The following RIOX2 variants were observed in gnomAD, a reference collection of about 807,000 sequenced individuals.
RIOX2 encodes 60S ribosomal protein L27a histidine hydroxylase.
RIOX2 carries 43 observed loss-of-function variants against 51.2 expected under a neutral mutation model. The observed-to-expected ratio is 0.84, with a 90% CI of 0.66 to 1.08. RIOX2 has a LOEUF of 1.08. Among genes scored for constraint, RIOX2 ranks in the 50% least tolerant of loss-of-function variants. The pLI is 0.00. For missense variants in RIOX2, 566 were observed against 561.7 expected, an observed-to-expected ratio of 1.01 and a Z score of -0.08; for synonymous variants, 226 against 218.5, an observed-to-expected ratio of 1.03 and a Z score of -0.30.
chr3:97,962,957 A>T (rs942875141), intron 2 of RIOX2, among the ~76,000 whole-genome samples: 2 of 152,204 alleles, frequency 1.3e-5, no homozygotes, highest in African/African-American at 4.8e-5. Context: ...AAACATATGA[A>T]TGTACAGTGC....
Position 97,959,753 on chromosome 3 carries a change from T to A in RIOX2, c.553-574A>T, listed in dbSNP as rs532061114. On this transcript the variant is annotated intron_variant, in intron 3 of 9. Transcript: ENST00000394198. ...AAGAATTAAGAATGTCATAAATGCA[T>A]CAAATATAAAAACATATGTAGATAC... Among the ~76,000 whole-genome samples the A allele has an allele frequency of 5.5e-4, 84 of 152,174 alleles. 1 individual carries two copies. The highest frequency in any genetic ancestry group is 2.2e-4 in the Non-Finnish European group (15 of 68,016).
chr3:97,952,138 C>T, intron 5 of RIOX2: 11 of 1,269,644 alleles, frequency 8.7e-6, no homozygotes, highest in Non-Finnish European at 1.1e-5. Context: ...TAGGAAGAGG[C>T]CCCAAATATT....
rs1270066589 is a variant in RIOX2 at position 97,943,719 on chromosome 3, T to TAAAG, written c.*1461_*1464dup. The TAAAG allele has an allele frequency of 6.2e-6, 1 of 160,264 alleles. No homozygotes were observed. Among genetic ancestry groups the TAAAG allele is most frequent in the Admixed American group, 6.5e-5 (1 of 15,274 alleles). The allele number at this position is 160,264 out of a possible 1,614,324, so 9.9% of individuals were successfully genotyped here. A position where few individuals can be genotyped will look rare whatever the true frequency, so the allele number is the denominator to read the frequency against. Reference sequence around the variant, plus strand: ...TAGATGCTTGTATGAGTACAAAGCATAAAGAAACAGATTTCTATAGGTCAA... The same window carrying TAAAG: ...TAGATGCTTGTATGAGTACAAAGCATAAAGAAAGAAACAGATTTCTATAGGTCAA... On this transcript the variant is annotated 3_prime_UTR_variant, in exon 10 of 10. Coordinates refer to ENST00000394198, the MANE Select transcript of RIOX2 (RefSeq NM_153182.4).
chr3:97,946,604 A>ATATATCTATATATC (rs1553712244), intron 8 of RIOX2, among the ~76,000 whole-genome samples: 1 of 139,718 alleles, frequency 7.2e-6, no homozygotes, highest in African/African-American at 2.7e-5. Context: ...ATATATATAT[A>ATATATCTATATATC]TATCTATTCA....
intron 4 of RIOX2, among the ~76,000 whole-genome samples, chr3:97,958,568 G>T (rs971181056): frequency 2.0e-5 from 3 of 152,216 alleles, no homozygotes; most frequent in East Asian, 1.9e-4. Flanking sequence ...GGGGCACAGA[G>T]ATAGCCTGAC....
chr3:97,950,009 C>T lies in RIOX2; in HGVS notation c.895G>A (p.Glu299Lys). 1 of 1,613,358 alleles carries T rather than the reference C, an allele frequency of 6.2e-7. No homozygotes were observed. Among genetic ancestry groups the T allele is most frequent in the Non-Finnish European group, 8.5e-7 (1 of 1,179,822 alleles). The change falls in exon 7 of 10, where the codon GAA (glutamate) becomes AAA (lysine). Residue 299 changes from glutamate to lysine, a missense_variant. Glu to Lys is a moderately conservative substitution (Grantham distance 56, BLOSUM62 1). Coordinates refer to ENST00000394198, the MANE Select transcript of RIOX2 (RefSeq NM_153182.4). ...GIPRQLLLQV[E>K]STTVATRRLS... Reference sequence around the variant, plus strand: ...CGTCTTGTAGCAACAGTTGTGGATTCCACCTGCTAGGAACACAGAAGTGAG... The same window carrying T: ...CGTCTTGTAGCAACAGTTGTGGATTTCACCTGCTAGGAACACAGAAGTGAG...
intron 4 of RIOX2, among the ~76,000 whole-genome samples, chr3:97,957,412 C>T (rs1156236923): frequency 6.6e-6 from 1 of 150,464 alleles, no homozygotes; most frequent in Non-Finnish European, 1.5e-5. Flanking sequence ...AGGAGAATTG[C>T]TTGAACCCGG....
At chr3:97,958,038 TA>T (rs1021097889) in intron 4 of RIOX2, among the ~76,000 whole-genome samples, 4 of 151,912 alleles carry the variant, frequency 2.6e-5, no homozygotes, top group African/African-American at 9.7e-5. Context: ...ACTAAAAGCA[TA>T]AAAAAAACCA....
chr3:97,965,170 T>C (rs1328984727), intron 2 of RIOX2, among the ~76,000 whole-genome samples: 2 of 143,668 alleles, frequency 1.4e-5, no homozygotes, highest in African/African-American at 5.2e-5. Flanking sequence ...TGAGCTCCTA[T>C]GGCTTATAGG....
chr3:97,971,338 C>G (rs978324812), intron 1 of RIOX2, among the ~76,000 whole-genome samples: 2 of 152,180 alleles, frequency 1.3e-5, no homozygotes. Flanking sequence ...TCTGCATTAA[C>G]GTAATACGCT....
chr3:97,961,340 T>A (rs995608913), intron 3 of RIOX2, among the ~76,000 whole-genome samples: 1 of 152,248 alleles, frequency 6.6e-6, no homozygotes, highest in African/African-American at 2.4e-5. Flanking sequence ...TTCAGACGAA[T>A]GTGTGGCTCT....
rs546616132 is a variant in RIOX2 at position 97,956,583 on chromosome 3, T to A, written c.682-2088A>T. ...GTGATCTCGGTCACTGCAACCTCCA[T>A]CTCCTGGGTTCAAGTGATTCTCCTG... On this transcript the variant is annotated intron_variant, in intron 4 of 9. Coordinates refer to ENST00000394198, the MANE Select transcript of RIOX2 (RefSeq NM_153182.4). Among the ~76,000 whole-genome samples, 5 of 151,834 alleles carry A rather than the reference T, an allele frequency of 3.3e-5. No homozygotes were observed. The South Asian group carries it at 1.0e-3, about 32-fold the overall frequency.
chr3:97,967,913 T>C (rs1160774340), intron 1 of RIOX2, among the ~76,000 whole-genome samples: 1 of 152,168 alleles, frequency 6.6e-6, no homozygotes, highest in Non-Finnish European at 1.5e-5. Context: ...TATTAGGCAG[T>C]ATAATTATCC....
chr3:97,971,172 T>C (rs1383019101), intron 1 of RIOX2, among the ~76,000 whole-genome samples: 1 of 152,182 alleles, frequency 6.6e-6, no homozygotes, highest in Non-Finnish European at 1.5e-5. Flanking sequence ...ACATCAGTAG[T>C]TATTACTAAA....
chr3:97,946,434 T>C (rs1391191972), intron 8 of RIOX2, among the ~76,000 whole-genome samples: 1 of 151,944 alleles, frequency 6.6e-6, no homozygotes, highest in Non-Finnish European at 1.5e-5. Context: ...GTGCAGTTTA[T>C]TGTCTCTTCC....
intron 4 of RIOX2, among the ~76,000 whole-genome samples, chr3:97,957,269 C>T (rs1317987624): frequency 2.0e-5 from 3 of 152,072 alleles, no homozygotes; most frequent in Non-Finnish European, 4.4e-5. Context: ...GAGGCCGAGG[C>T]AGGTGGATCA....
intron 3 of RIOX2, 73 bp from the exon 4 acceptor site, chr3:97,959,252 T>G: frequency 1.3e-5 from 19 of 1,502,186 alleles, no homozygotes; most frequent in Non-Finnish European, 1.7e-5. Context: ...TCCGGACTAT[T>G]AGCCCTCTAA....
At chr3:97,946,604 A>ATATATATATC (rs1553712244) in intron 8 of RIOX2, among the ~76,000 whole-genome samples, 26,951 of 139,114 alleles carry the variant, frequency 0.19, 2,859 homozygotes, top group South Asian at 0.28. Flanking sequence ...ATATATATAT[A>ATATATATATC]TATCTATTCA....
Position 97,950,757 on chromosome 3 carries a change from C to T in RIOX2, c.888+29G>A, listed in dbSNP as rs555279572. ...GCTGGCCTGGGCTGCAGCTACCATC[C>T]TTCATTCCTACCTGCCTTTACTCCT... On this transcript the variant is annotated intron_variant, in intron 6 of 9. Transcript: ENST00000394198. The T allele has an allele frequency of 4.4e-6, 7 of 1,578,032 alleles. No homozygotes were observed. The African/African-American group carries it at 9.4e-5, about 21-fold the overall frequency.
Sources: allele counts gnomAD v4.1 joint callset (sites outside exome capture counted in the v4.1 genomes callset), GRCh38; gene constraint gnomAD v4.1.1; transcripts MANE v1.5; gene names NCBI Gene and HGNC (gene_info 2026-07-23, HGNC 2026-07-21).